ATG16L2: variants seen among roughly 807,000 people sequenced by gnomAD.
ATG16L2 encodes protein Atg16l2.
In ATG16L2, 77 loss-of-function variants were observed where a neutral mutation model predicts 84.7. That is an observed-to-expected ratio of 0.91 (90% CI 0.76 to 1.10). ATG16L2 has a LOEUF of 1.10. Among genes scored for constraint, ATG16L2 ranks in the 50% least tolerant of loss-of-function variants. ATG16L2 has a pLI of 0.00. For missense variants in ATG16L2, 782 were observed against 817.6 expected (o/e 0.96, Z 0.53); for synonymous variants, 361 against 342.8 (o/e 1.05, Z -0.59).
At chr11:72,841,316 C>A in intron 5 of ATG16L2, 1 of 909,954 alleles carries the variant, frequency 1.1e-6, no homozygotes, top group South Asian at 1.8e-5. Flanking sequence ...GGGTGTCCAG[C>A]CCAGGTGACA....
rs749589263 is a variant in ATG16L2, at chr11:72,828,985, G to A, written c.1772+1G>A. 4.3e-6 allele frequency: 7 copies of A among 1,613,996 alleles called. No homozygotes were observed. Among genetic ancestry groups the A allele is most frequent in the Non-Finnish European group, 5.1e-6 (6 of 1,179,930 alleles). Reference sequence around the variant, plus strand: ...AGAGCAGACTACAGGGACCCCATTGGTGAGCATGGCCTCCACCTGGCCACC... The same window carrying A: ...AGAGCAGACTACAGGGACCCCATTGATGAGCATGGCCTCCACCTGGCCACC... On this transcript the variant is annotated splice_donor_variant, in intron 17 of 17. Coordinates refer to ENST00000321297, the MANE Select transcript of ATG16L2 (RefSeq NM_033388.2). LOFTEE classifies it high-confidence loss of function.
chr11:72,836,287 A>G (rs1387795682), intron 5 of ATG16L2, among the ~76,000 whole-genome samples: 1 of 152,100 alleles, frequency 6.6e-6, no homozygotes, highest in Non-Finnish European at 1.5e-5. Flanking sequence ...CTTTCACACA[A>G]TTCATTACTC....
intron 3 of ATG16L2, among the ~76,000 whole-genome samples, chr11:72,819,755 T>TC (rs1859876554): frequency 6.6e-6 from 1 of 151,878 alleles, no homozygotes; most frequent in Admixed American, 6.5e-5. Flanking sequence ...TTCTTTCTTT[T>TC]TTTTTTTTGA....
Position 72,822,619 on chromosome 11 carries a change from C to T in ATG16L2, c.710+76C>T, listed in dbSNP as rs1860079155. ...GCCTGCCTGCGGCGACCCAGGCTGC[C>T]GACTGTACTTGTGCACAGCCCCGTC... On this transcript the variant is annotated intron_variant, in intron 6 of 17. Transcript: ENST00000321297. The surrounding 1 kb of genome is among the most constrained non-coding windows in gnomAD (Gnocchi z 4.2). 6.4e-6 allele frequency: 10 copies of T among 1,562,482 alleles called. No homozygotes were observed. Among genetic ancestry groups the T allele is most frequent in the Non-Finnish European group, 7.8e-6 (9 of 1,150,938 alleles).
intron 7 of ATG16L2, 71 bp downstream of exon 7, chr11:72,823,032 T>A (rs1860106856): frequency 9.1e-7 from 1 of 1,104,816 alleles, no homozygotes; most frequent in Admixed American, 2.7e-5. Context: ...GGTCTTCCTC[T>A]TGGACCTTGG....
intron 7 of ATG16L2, 119 bp from the exon 8 acceptor site, chr11:72,823,941 T>C (rs1860172631): frequency 8.8e-7 from 1 of 1,130,428 alleles, no homozygotes; most frequent in Non-Finnish European, 1.4e-6. Flanking sequence ...GTCAAGTTCT[T>C]ATCCCAGACT....
chr11:72,821,315 T>G (rs1859978724), intron 3 of ATG16L2: 2 of 1,058,184 alleles, frequency 1.9e-6, no homozygotes, highest in East Asian at 7.9e-5. Context: ...GCGCGAGGAG[T>G]CCTCGCAGTG....
chr11:72,821,569 G>T, intron 3 of ATG16L2, 99 bp from the exon 4 acceptor site: 1 of 1,490,552 alleles, frequency 6.7e-7, no homozygotes, highest in South Asian at 1.3e-5. Flanking sequence ...GGAAGGGGGC[G>T]GGCAGGTGAG....
chr11:72,843,120 C>A, exon 6 of ATG16L2: 2 of 1,609,280 alleles, frequency 1.2e-6, no homozygotes, highest in South Asian at 2.2e-5. Context: ...CAAACGTGAC[C>A]AAATAAAGAG....
chr11:72,819,061 G>C (rs993579308), intron 3 of ATG16L2: 1 of 152,134 alleles, frequency 6.6e-6, no homozygotes, highest in Non-Finnish European at 1.5e-5. Flanking sequence ...GTTTGCCTCC[G>C]AGGCAAACCT....
rs780550050 is a variant in ATG16L2, at chr11:72,829,336, C to T, written c.1806C>T (p.Ser602=). ...TCAACGCCGTGGCCTGGTGCTACTC[C>T]GGGAGCCACATGGTGAGCGTGGACC... ...AAVNAVAWCY[S]GSHMVSVDQG... is the part of the protein sequence containing the mutation. Residue 602 remains serine, a synonymous_variant, in exon 18 of 18, where the codon TCC becomes TCT. Coordinates refer to ENST00000321297, the MANE Select transcript of ATG16L2 (RefSeq NM_033388.2). 2.9e-5 allele frequency: 47 copies of T among 1,612,966 alleles called. No homozygotes were observed. Among genetic ancestry groups the T allele is most frequent in the Middle Eastern group, 3.6e-4 (2 of 5,504 alleles).
rs536115700 is a variant in ATG16L2, at chr11:72,824,759, A to G, written c.913A>G (p.Ile305Val). 3.1e-6 allele frequency: 5 copies of G among 1,613,778 alleles called. No individual in the cohort carries two copies. The highest frequency in any genetic ancestry group is 4.2e-6 in the Non-Finnish European group (5 of 1,179,870). The change falls in exon 9 of 18, where the codon ATT (isoleucine) becomes GTT (valine). Residue 305 changes from isoleucine to valine, a missense_variant. Physicochemically the swap from Ile to Val is conservative, Grantham distance 29 (BLOSUM62 3). Coordinates refer to ENST00000321297, the MANE Select transcript of ATG16L2 (RefSeq NM_033388.2). ...TTTTAAGAAGAGGAGAGGTCACTCA[A>G]TTGGGGGAGCCCCTGAGCAGCGATA... is the stretch of plus-strand genomic sequence containing the variant. Reference protein sequence around the residue: ...LDFKKRRGHSIGGAPEQRYQI... With the variant: ...LDFKKRRGHSVGGAPEQRYQI...
rs180875949 is a variant in ATG16L2, at chr11:72,816,815, A to C, written c.206A>C (p.His69Pro). ...CCAAACAGTGTCACTCCCACCACCC[A>C]CCAGGGCCCCTGGTAAGTGTATGTG... is the stretch of plus-strand genomic sequence containing the variant. ...PEPNSVTPTT[H>P]QGPWEESELD... The change falls in exon 2 of 18, where the codon CAC becomes CCC. Residue 69 changes from histidine (H) to proline (P), a missense_variant. Coordinates refer to ENST00000321297, the MANE Select transcript of ATG16L2 (RefSeq NM_033388.2). 18 of 1,614,078 alleles carry C rather than the reference A, an allele frequency of 1.1e-5. No individual in the cohort carries two copies. In the South Asian group the frequency reaches 1.3e-4, roughly 12 times the overall value.
Position 72,829,490 on chromosome 11 carries a change from G to A in ATG16L2, c.*100G>A, listed in dbSNP as rs1195132514. On this transcript the variant is annotated 3_prime_UTR_variant, in exon 18 of 18. Coordinates refer to ENST00000321297, the MANE Select transcript of ATG16L2 (RefSeq NM_033388.2). Reference sequence around the variant, plus strand: ...GGGTTGGGACTGGAGCTGGCCTTGGGATTTAATGGGGAAGAAGGCCTGGCA... The same window carrying A: ...GGGTTGGGACTGGAGCTGGCCTTGGAATTTAATGGGGAAGAAGGCCTGGCA... The A allele has an allele frequency of 2.0e-6, 3 of 1,477,264 alleles. No individual in the cohort carries two copies. Among genetic ancestry groups the A allele is most frequent in the South Asian group, 1.3e-5 (1 of 75,914 alleles). The allele number at this position is 1,477,264 out of a possible 1,614,324, so 91.5% of individuals were successfully genotyped here.
chr11:72,830,755 G>C (rs1356390469), downstream of ATG16L2, among the ~76,000 whole-genome samples: 1 of 151,374 alleles, frequency 6.6e-6, no homozygotes, highest in Non-Finnish European at 1.5e-5. Flanking sequence ...ATGTGACCCT[G>C]CTGGCCTCTC....
chr11:72,827,415 G>GCCAGCCCCACAGCCTT, intron 14 of ATG16L2, 122 bp downstream of exon 14: 1 of 789,064 alleles, frequency 1.3e-6, no homozygotes, highest in Non-Finnish European at 2.1e-6. Flanking sequence ...GCAAGGCTGT[G>GCCAGCCCCACAGCCTT]GGGCTGGCAC....
rs190030912 is a variant in ATG16L2 at position 72,828,267 on chromosome 11, T to C, written c.1473-92T>C. ...GGCCCTGGGGTTCCTCCGGACTTGG[T>C]TAGCTAGGAAGGCTGCTGCGCCTGG... On this transcript the variant is annotated intron_variant, in intron 14 of 17. Transcript: ENST00000321297. 4,678 of 1,477,376 alleles carry C rather than the reference T, an allele frequency of 3.2e-3. 7 individuals are homozygous for C. The highest frequency in any genetic ancestry group is 3.9e-3 in the Non-Finnish European group (4,230 of 1,078,002). The allele number at this position is 1,477,376 out of a possible 1,614,324, so 91.5% of individuals were successfully genotyped here. A position where few individuals can be genotyped will look rare whatever the true frequency, so the allele number is the denominator to read the frequency against.
At position 72,822,802 on chromosome 11, in the gene ATG16L2, G is replaced by A; in HGVS notation, c.711-46G>A. 3 of 1,421,876 alleles carry A rather than the reference G, an allele frequency of 2.1e-6. No individual in the cohort carries two copies. Among genetic ancestry groups the A allele is most frequent in the South Asian group, 1.3e-5 (1 of 79,182 alleles). The allele number at this position is 1,421,876 out of a possible 1,614,324, so 88.1% of individuals were successfully genotyped here. On this transcript the variant is annotated intron_variant, in intron 6 of 17. Coordinates refer to ENST00000321297, the MANE Select transcript of ATG16L2 (RefSeq NM_033388.2). This position sits in a 1 kb window ranked among gnomAD's most constrained non-coding sequence, Gnocchi z 4.2. Reference sequence around the variant, plus strand: ...GTATCCTGTGCTGGGGTCGGGAGGGGCTGGCTTGGTCCCTTGGCCTTTCTG... The same window carrying A: ...GTATCCTGTGCTGGGGTCGGGAGGGACTGGCTTGGTCCCTTGGCCTTTCTG...
chr11:72,824,674 G>C (rs1276144176), intron 8 of ATG16L2, 60 bp from the exon 9 acceptor site: 3 of 1,243,842 alleles, frequency 2.4e-6, no homozygotes, highest in Non-Finnish European at 3.6e-6. Context: ...GGGAGCTGGA[G>C]GCTCCCACCT....
Sources: gnomAD v4.1 joint callset for allele counts (sites outside exome capture counted in the v4.1 genomes callset) on GRCh38, gnomAD v4.1.1 for gene constraint, Gnocchi (gnomAD v3.1) non-coding constraint, MANE v1.5 for transcripts, NCBI Gene and HGNC (gene_info 2026-07-23, HGNC 2026-07-21) for gene names.